The following MYH14 variants were observed in gnomAD, a reference collection of about 807,000 sequenced individuals.
MYH14 encodes the protein myosin heavy chain 14, also known as myosin-14.
A neutral mutation model predicts 255.5 loss-of-function variants in MYH14; 123 were observed. That is an observed-to-expected ratio of 0.48 (90% CI 0.42 to 0.56). The LOEUF (loss-of-function observed/expected upper bound fraction) is 0.56. Ranked by LOEUF, MYH14 falls within the 20% of genes least tolerant of loss-of-function variation. MYH14 has a pLI of 0.00. For missense variants in MYH14, 2,423 were observed against 2,802.3 expected (o/e 0.86, Z 3.06); for synonymous variants, 1,095 against 1,161.2 (o/e 0.94, Z 1.16).
chr19:50,255,345 G>T, intron 17 of MYH14, 27 bp downstream of exon 17: 1 of 1,522,890 alleles, frequency 6.6e-7, no homozygotes. Flanking sequence ...ATCGATGGGT[G>T]AGGCTTGCTG....
At chr19:50,286,920 C>T (rs919074793) in intron 34 of MYH14, among the ~76,000 whole-genome samples, 1 of 152,136 alleles carries the variant, frequency 6.6e-6, no homozygotes, top group Non-Finnish European at 1.5e-5. Context: ...GAGCTCAAGA[C>T]CAGCCTGGCC....
At chr19:50,245,350 C>T (rs932799992) in intron 11 of MYH14, among the ~76,000 whole-genome samples, 15 of 144,326 alleles carry the variant, frequency 1.0e-4, no homozygotes, top group African/African-American at 2.3e-4. Context: ...ACCCAGGAGG[C>T]GGAGGTTGCA....
At chr19:50,271,212 A>G (rs1039177402) in intron 24 of MYH14, among the ~76,000 whole-genome samples, 197 bp from the exon 25 acceptor site, 1 of 152,184 alleles carries the variant, frequency 6.6e-6, no homozygotes, top group African/African-American at 2.4e-5. Context: ...TAGGCACTCA[A>G]TAAATGCTTG....
At chr19:50,210,137 CCT>C (rs1456527232) in intron 1 of MYH14, among the ~76,000 whole-genome samples, 1 of 147,450 alleles carries the variant, frequency 6.8e-6, no homozygotes, top group African/African-American at 2.5e-5. Context: ...AAGAACTGAC[CCT>C]CTGAGCCTGG....
intron 10 of MYH14, among the ~76,000 whole-genome samples, chr19:50,233,817 A>C (rs8109722): frequency 0.66 from 73,973 of 111,722 alleles, 21,458 homozygotes; most frequent in East Asian, 0.72. Flanking sequence ...CCTCCCCCCG[A>C]CCCCCCCGCC....
Position 50,293,794 on chromosome 19 carries a change from T to G in MYH14, c.5469+107T>G, listed in dbSNP as rs1352839280. On this transcript the variant is annotated intron_variant, in intron 39 of 42. Coordinates refer to ENST00000642316, the MANE Select transcript of MYH14 (RefSeq NM_001145809.2). The surrounding 1 kb of genome is among the most constrained non-coding windows in gnomAD (Gnocchi z 4.1). ...ATAGAAAGGGGATATTTGAGTTGGG[T>G]TTTGAAGGTTGAATAGGAGTTCTTA... The G allele has an allele frequency of 7.7e-7, 1 of 1,297,148 alleles. No homozygotes were observed. Among genetic ancestry groups the G allele is most frequent in the East Asian group, 2.4e-5 (1 of 40,994 alleles). 80.4% of individuals were successfully genotyped at this position (1,297,148 alleles called of 1,614,324 possible). A position where few individuals can be genotyped will look rare whatever the true frequency, so the allele number is the denominator to read the frequency against.
chr19:50,245,782 C>G (rs2034089077), intron 11 of MYH14, among the ~76,000 whole-genome samples: 1 of 152,244 alleles, frequency 6.6e-6, no homozygotes, highest in Non-Finnish European at 1.5e-5. Context: ...CATAGGCACC[C>G]AGCAGGTGTG....
intron 3 of MYH14, among the ~76,000 whole-genome samples, chr19:50,218,239 C>T (rs912394693): frequency 6.6e-6 from 1 of 152,018 alleles, no homozygotes; most frequent in African/African-American, 2.4e-5. Context: ...CTCGGCCTTC[C>T]AAAGTTCTGG....
rs1376182030 is a variant in MYH14 at position 50,255,326 on chromosome 19, T to C, written c.2044+8T>C. ...CTATTTCTCCGCCAGGGGGTGGGTGTCTCTGTGCATCGATGGGTGAGGCTT... is the reference window on the plus strand; with the variant it reads ...CTATTTCTCCGCCAGGGGGTGGGTGCCTCTGTGCATCGATGGGTGAGGCTT... On this transcript the variant is annotated splice_region_variant and intron_variant, in intron 17 of 42. Transcript: ENST00000642316. 4 of 1,546,982 alleles carry C rather than the reference T, an allele frequency of 2.6e-6. No individual in the cohort carries two copies. Among genetic ancestry groups the C allele is most frequent in the Non-Finnish European group, 3.5e-6 (4 of 1,143,824 alleles).
rs545603705 is a variant in MYH14, at chr19:50,250,632, C to T, written c.1774C>T (p.Arg592Trp). The T allele has an allele frequency of 1.7e-5, 27 of 1,613,946 alleles. No individual in the cohort carries two copies. Among genetic ancestry groups the T allele is most frequent in the East Asian group, 8.9e-5 (4 of 44,880 alleles). Residue 592 changes from arginine (R) to tryptophan (W), a missense_variant, in exon 15 of 43, where the codon CGG (arginine) becomes TGG (tryptophan). By Grantham distance (101) the Arg-to-Trp change is moderately radical. Transcript: ENST00000642316. The surrounding 1 kb of genome is among the most constrained non-coding windows in gnomAD (Gnocchi z 5.4). ...QEQGGHPKFQ[R>W]PRHLRDQADF... Reference sequence around the variant, plus strand: ...GCAGGGCGGCCACCCCAAGTTCCAGCGGCCGAGGCACCTGCGGGATCAGGC... The same window carrying T: ...GCAGGGCGGCCACCCCAAGTTCCAGTGGCCGAGGCACCTGCGGGATCAGGC...
At position 50,257,506 on chromosome 19, in the gene MYH14, G is replaced by C; in HGVS notation, c.2232+20G>C. On this transcript the variant is annotated intron_variant, in intron 18 of 42. Transcript: ENST00000642316. The stretch of plus-strand genomic sequence containing the variant: ...AAGAGGGTGAGTGACTCAGCCTGGG[G>C]AGGAAGGGGTGGCTGTGGCTGTGGG... The C allele has an allele frequency of 6.3e-7, 1 of 1,584,822 alleles. No homozygotes were observed. The highest frequency in any genetic ancestry group is 8.6e-7 in the Non-Finnish European group (1 of 1,164,744).
At chr19:50,235,755 G>A (rs944698222) in intron 10 of MYH14, among the ~76,000 whole-genome samples, 1 of 151,980 alleles carries the variant, frequency 6.6e-6, no homozygotes, top group African/African-American at 2.4e-5. Flanking sequence ...CTGTACTCCA[G>A]GCTGGTGATA....
chr19:50,285,832 C>T (rs1424938127), intron 33 of MYH14: 1 of 152,124 alleles, frequency 6.6e-6, no homozygotes, highest in Non-Finnish European at 1.5e-5. Flanking sequence ...TTTATATTGA[C>T]CTGCTTTCAA....
chr19:50,275,800 T>C (rs999073726), intron 27 of MYH14, among the ~76,000 whole-genome samples, 191 bp from the exon 28 acceptor site: 5 of 152,204 alleles, frequency 3.3e-5, no homozygotes, highest in African/African-American at 1.2e-4. Context: ...CACTCCAGCA[T>C]GGGCAGCAGA....
rs201835322 is a variant in MYH14 at position 50,223,316 on chromosome 19, G to A, written c.660G>A (p.Ser220=). 57 of 1,588,754 alleles carry A rather than the reference G, an allele frequency of 3.6e-5. No homozygotes were observed. In the African/African-American group the frequency reaches 4.2e-4, roughly 12 times the overall value. The change falls in exon 5 of 43, where the codon TCG becomes TCA. Residue 220 remains serine (S), a synonymous_variant. Coordinates refer to ENST00000642316, the MANE Select transcript of MYH14 (RefSeq NM_001145809.2). ...KVIQYLAHVA[S]SPKGRKEPGV... ...TCCAGTACCTCGCCCACGTGGCGTC[G>A]TCTCCAAAGGGCAGGAAGGAGCCGG...
In MYH14 at chr19:50,293,495, T is replaced by C. The variant is rs2036158068; in HGVS notation, c.5346-69T>C. On this transcript the variant is annotated intron_variant, in intron 38 of 42. Coordinates refer to ENST00000642316, the MANE Select transcript of MYH14 (RefSeq NM_001145809.2). This position sits in a 1 kb window ranked among gnomAD's most constrained non-coding sequence, Gnocchi z 4.1. ...GCGTGGGGCTAACCACAGGGTCCTG[T>C]AGTGTGAGGCAAGGCACCCTCCTCT... 1.9e-6 allele frequency: 3 copies of C among 1,595,486 alleles called. No homozygotes were observed. Among genetic ancestry groups the C allele is most frequent in the Admixed American group, 3.5e-5 (2 of 57,546 alleles).
chr19:50,207,430 T>A (rs1317187164), intron 1 of MYH14, among the ~76,000 whole-genome samples: 2 of 151,970 alleles, frequency 1.3e-5, no homozygotes, highest in South Asian at 4.2e-4. Flanking sequence ...GCCCGCTGGA[T>A]GGTGGGAGGG....
At position 50,276,183 on chromosome 19, in the gene MYH14, C is replaced by A. The variant is rs1311243819; in HGVS notation, c.3660C>A (p.Thr1220=). 7 of 1,547,302 alleles carry A rather than the reference C, an allele frequency of 4.5e-6. No homozygotes were observed. Among genetic ancestry groups the A allele is most frequent in the Admixed American group, 3.9e-5 (2 of 50,976 alleles). Residue 1220 remains threonine, a synonymous_variant, in exon 28 of 43, where the codon ACC becomes ACA. Coordinates refer to ENST00000642316, the MANE Select transcript of MYH14 (RefSeq NM_001145809.2). This position sits in a 1 kb window ranked among gnomAD's most constrained non-coding sequence, Gnocchi z 4.3. ...AGCTGGAGGACACGCTGGACTCCAC[C>A]AACGCACAGCAGGAGCTCCGGTGAG... ...RGELEDTLDS[T]NAQQELRSKR... is the part of the protein sequence containing the mutation.
chr19:50,221,895 C>G lies in MYH14; in HGVS notation c.563-1188C>G, dbSNP rs1034199936. Among the ~76,000 whole-genome samples, 1 of 152,212 alleles carries G rather than the reference C, an allele frequency of 6.6e-6. No individual in the cohort carries two copies. Among genetic ancestry groups the G allele is most frequent in the African/African-American group, 2.4e-5 (1 of 41,450 alleles). ...AGAGCCTTTCCCCTGGCTGTGCCCT[C>G]TGCCTGAAATGCCACCTCCACTGAG... On this transcript the variant is annotated intron_variant, in intron 3 of 42. Coordinates refer to ENST00000642316, the MANE Select transcript of MYH14 (RefSeq NM_001145809.2). This position sits in a 1 kb window ranked among gnomAD's most constrained non-coding sequence, Gnocchi z 5.3.
Sources: gnomAD v4.1 joint callset for allele counts (sites outside exome capture counted in the v4.1 genomes callset) on GRCh38, gnomAD v4.1.1 for gene constraint, Gnocchi (gnomAD v3.1) non-coding constraint, MANE v1.5 for transcripts, NCBI Gene and HGNC (gene_info 2026-07-23, HGNC 2026-07-21) for gene names.